PPP1R3C: variants seen among roughly 807,000 people sequenced by gnomAD.
The protein encoded by PPP1R3C is protein phosphatase 1 regulatory subunit 3C, also known as PP1 subunit R5.
PPP1R3C carries 20 observed loss-of-function variants against 29.3 expected under a neutral mutation model. That is an observed-to-expected ratio of 0.68 (90% CI 0.48 to 0.99). The LOEUF (loss-of-function observed/expected upper bound fraction) is 0.99, where lower values mean the gene tolerates loss of function less well. Among genes scored for constraint, PPP1R3C ranks in the 50% least tolerant of loss-of-function variants. The probability of loss-of-function intolerance (pLI) is 0.00; values close to 1 mark genes in which losing one functional copy is unlikely to be tolerated. For synonymous variants in PPP1R3C, 123 were observed against 143.1 expected (o/e 0.86, Z 1.00); for missense variants, 321 against 386.0 (o/e 0.83, Z 1.41).
chr10:91,633,068 G>C lies in PPP1R3C; in HGVS notation c.-99C>G. The C allele has an allele frequency of 6.7e-7, 1 of 1,502,926 alleles. No individual in the cohort carries two copies. The highest frequency in any genetic ancestry group is 1.9e-5 in the Admixed American group (1 of 51,504). 93.1% of individuals were successfully genotyped at this position (1,502,926 alleles called of 1,614,324 possible). On this transcript the variant is annotated 5_prime_UTR_variant, in exon 1 of 2. Transcript: ENST00000238994. ...TGCCCCCGCGGCGGTCGCTGGGAGA[G>C]ACTGAGGGCCCGGCGCCTAGAGGCC...
Position 91,630,964 on chromosome 10 carries a change from G to A in PPP1R3C, c.15-98C>T. 9.7e-7 allele frequency: 1 copy of A among 1,028,284 alleles called. No individual in the cohort carries two copies. Among genetic ancestry groups the A allele is most frequent in the African/African-American group, 1.6e-5 (1 of 63,650 alleles). 63.7% of individuals were successfully genotyped at this position (1,028,284 alleles called of 1,614,324 possible). ...CTATTTTTGTGCTGACTGAATTATAGCCAGTGCACTAGATATCAGGCAGGT... is the reference window on the plus strand; with the variant it reads ...CTATTTTTGTGCTGACTGAATTATAACCAGTGCACTAGATATCAGGCAGGT... On this transcript the variant is annotated intron_variant, in intron 1 of 1. Transcript: ENST00000238994. This position sits in a 1 kb window ranked among gnomAD's most constrained non-coding sequence, Gnocchi z 4.4.
At position 91,629,798 on chromosome 10, in the gene PPP1R3C, G is replaced by T; in HGVS notation, c.*129C>A. 3 of 975,190 alleles carry T rather than the reference G, an allele frequency of 3.1e-6. No homozygotes were observed. Among genetic ancestry groups the T allele is most frequent in the Non-Finnish European group, 4.7e-6 (3 of 634,970 alleles). 60.4% of individuals were successfully genotyped at this position (975,190 alleles called of 1,614,324 possible). A position where few individuals can be genotyped will look rare whatever the true frequency, so the allele number is the denominator to read the frequency against. On this transcript the variant is annotated 3_prime_UTR_variant, in exon 2 of 2. Transcript: ENST00000238994. The stretch of plus-strand genomic sequence containing the variant: ...TTCTCAAGTGTCTTTCTTTTCCATA[G>T]CCAGGTCTCAAAAGCTCAAATCTAA...
rs1420437833 is a variant in PPP1R3C, at chr10:91,629,803, G to T, written c.*124C>A. On this transcript the variant is annotated 3_prime_UTR_variant, in exon 2 of 2. Transcript: ENST00000238994. ...AAGTGTCTTTCTTTTCCATAGCCAG[G>T]TCTCAAAAGCTCAAATCTAAACCTA... is the stretch of plus-strand genomic sequence containing the variant. The T allele has an allele frequency of 2.9e-6, 3 of 1,022,536 alleles. No individual in the cohort carries two copies. In the East Asian group the frequency reaches 7.5e-5, roughly 26 times the overall value. The allele number at this position is 1,022,536 out of a possible 1,614,324, so 63.3% of individuals were successfully genotyped here. A position where few individuals can be genotyped will look rare whatever the true frequency, so the allele number is the denominator to read the frequency against.
In PPP1R3C at chr10:91,630,338, C is replaced by T. The variant is rs772675871; in HGVS notation, c.543G>A (p.Glu181=). 1.9e-6 allele frequency: 3 copies of T among 1,614,188 alleles called. No individual in the cohort carries two copies. In the South Asian group the frequency reaches 3.3e-5, roughly 18 times the overall value. Residue 181 remains glutamate (E), a synonymous_variant, in exon 2 of 2, where the codon GAG becomes GAA. Coordinates refer to ENST00000238994, the MANE Select transcript of PPP1R3C (RefSeq NM_005398.7). The surrounding 1 kb of genome is among the most constrained non-coding windows in gnomAD (Gnocchi z 4.4). ...GTVKVKNVSF[E]KKVQIRITFD... is the part of the protein sequence containing the mutation. ...AAGTGATACGGATCTGAACTTTCTTCTCAAAACTCACATTTTTGACTTTAA... is the reference window on the plus strand; with the variant it reads ...AAGTGATACGGATCTGAACTTTCTTTTCAAAACTCACATTTTTGACTTTAA...
intron 1 of PPP1R3C, among the ~76,000 whole-genome samples, chr10:91,631,395 A>C (rs1046141103): frequency 1.3e-5 from 2 of 152,148 alleles, no homozygotes; most frequent in Non-Finnish European, 2.9e-5. Flanking sequence ...GTATGTTCTT[A>C]AAGCTTCCCA....
In PPP1R3C at chr10:91,630,340, C is replaced by T; in HGVS notation, c.541G>A (p.Glu181Lys). The T allele has an allele frequency of 6.2e-7, 1 of 1,614,168 alleles. No individual in the cohort carries two copies. Among genetic ancestry groups the T allele is most frequent in the Non-Finnish European group, 8.5e-7 (1 of 1,180,040 alleles). ...GTGATACGGATCTGAACTTTCTTCTCAAAACTCACATTTTTGACTTTAACA... is the reference window on the plus strand; with the variant it reads ...GTGATACGGATCTGAACTTTCTTCTTAAAACTCACATTTTTGACTTTAACA... The part of the protein sequence containing the change: ...GTVKVKNVSF[E>K]KKVQIRITFD... Residue 181 changes from glutamate to lysine, a missense_variant, in exon 2 of 2, where the codon GAG becomes AAG. Coordinates refer to ENST00000238994, the MANE Select transcript of PPP1R3C (RefSeq NM_005398.7). This position sits in a 1 kb window ranked among gnomAD's most constrained non-coding sequence, Gnocchi z 4.4.
Position 91,630,029 on chromosome 10 carries a change from T to C in PPP1R3C, c.852A>G (p.Thr284=). 1 of 1,614,258 alleles carries C rather than the reference T, an allele frequency of 6.2e-7. No individual in the cohort carries two copies. Among genetic ancestry groups the C allele is most frequent in the Non-Finnish European group, 8.5e-7 (1 of 1,180,042 alleles). The part of the protein sequence containing the change: ...DCAFHQTSPK[T]ELESTIFGSP... ...TGCCAAAGATTGTTGACTCTAACTC[T>C]GTCTTAGGAGACGTCTGGTGGAATG... The change falls in exon 2 of 2, where the codon ACA becomes ACG. Residue 284 remains threonine (T), a synonymous_variant. Coordinates refer to ENST00000238994, the MANE Select transcript of PPP1R3C (RefSeq NM_005398.7). The surrounding 1 kb of genome is among the most constrained non-coding windows in gnomAD (Gnocchi z 4.4).
Position 91,629,615 on chromosome 10 carries a change from C to T in PPP1R3C, c.*312G>A. Reference sequence around the variant, plus strand: ...TTTCCATCACCATCAGCCATCCTTCCTCAACTTTTCCTTGCCCAACATGAA... The same window carrying T: ...TTTCCATCACCATCAGCCATCCTTCTTCAACTTTTCCTTGCCCAACATGAA... On this transcript the variant is annotated 3_prime_UTR_variant, in exon 2 of 2. Transcript: ENST00000238994. The T allele has an allele frequency of 2.4e-6, 1 of 413,492 alleles. No individual in the cohort carries two copies. The highest frequency in any genetic ancestry group is 4.5e-6 in the Non-Finnish European group (1 of 224,478). The allele number at this position is 413,492 out of a possible 1,614,324, so 25.6% of individuals were successfully genotyped here.
At chr10:91,632,301 A>C (rs1464377818) in intron 1 of PPP1R3C, among the ~76,000 whole-genome samples, 1 of 152,226 alleles carries the variant, frequency 6.6e-6, no homozygotes, top group African/African-American at 2.4e-5. Flanking sequence ...TGGGTCTAAT[A>C]ATAGTTAATA....
rs530352455 is a variant in PPP1R3C at position 91,633,049 on chromosome 10, C to G, written c.-80G>C. 3.3e-5 allele frequency: 51 copies of G among 1,560,994 alleles called. No individual in the cohort carries two copies. In the East Asian group the frequency reaches 9.0e-4, roughly 27 times the overall value. Reference sequence around the variant, plus strand: ...GAACCACAGCTCCAGGCCTTGCCCCCGCGGCGGTCGCTGGGAGAGACTGAG... The same window carrying G: ...GAACCACAGCTCCAGGCCTTGCCCCGGCGGCGGTCGCTGGGAGAGACTGAG... On this transcript the variant is annotated 5_prime_UTR_variant, in exon 1 of 2. Coordinates refer to ENST00000238994, the MANE Select transcript of PPP1R3C (RefSeq NM_005398.7).
chr10:91,631,154 C>T (rs1350189641), intron 1 of PPP1R3C, among the ~76,000 whole-genome samples: 1 of 152,188 alleles, frequency 6.6e-6, no homozygotes, highest in African/African-American at 2.4e-5. Context: ...TGATTATCTC[C>T]AAGGCAGCCT....
At position 91,630,543 on chromosome 10, in the gene PPP1R3C, T is replaced by G. The variant is rs1324487251; in HGVS notation, c.338A>C (p.Gln113Pro). 5.0e-6 allele frequency: 8 copies of G among 1,614,064 alleles called. No individual in the cohort carries two copies. The highest frequency in any genetic ancestry group is 2.2e-5 in the East Asian group (1 of 44,896). ...ATCATTAAGGTCCAAGAGATCAAAC[T>G]GCAGATCCCACGCTGGTTCTTCTGG... Reference protein sequence around the residue: ...DLPEEPAWDLQFDLLDLNDIS... With the variant: ...DLPEEPAWDLPFDLLDLNDIS... The change falls in exon 2 of 2, where the codon CAG becomes CCG. Residue 113 changes from glutamine to proline, a missense_variant. Physicochemically the swap from Gln to Pro is moderately conservative, Grantham distance 76. Coordinates refer to ENST00000238994, the MANE Select transcript of PPP1R3C (RefSeq NM_005398.7). This position sits in a 1 kb window ranked among gnomAD's most constrained non-coding sequence, Gnocchi z 4.4.
At position 91,628,985 on chromosome 10, in the gene PPP1R3C, C is replaced by T. The variant is rs886863418; in HGVS notation, c.*942G>A. On this transcript the variant is annotated 3_prime_UTR_variant, in exon 2 of 2. Transcript: ENST00000238994. The stretch of plus-strand genomic sequence containing the variant: ...TACAACATTATTGCAGGAGGAATGC[C>T]TGTGTACAGAGTGGACCATCTTATG... 1.3e-5 allele frequency: 2 copies of T among 152,230 alleles called. No homozygotes were observed. The highest frequency in any genetic ancestry group is 4.8e-5 in the African/African-American group (2 of 41,426). 9.4% of individuals were successfully genotyped at this position (152,230 alleles called of 1,614,324 possible).
rs143318107 is a variant in PPP1R3C at position 91,630,312 on chromosome 10, A to G, written c.569T>C (p.Phe190Ser). ...FEKKVQIRIT[F>S]DSWKNYTDVD... ...GTCAGTGTAGTTTTTCCAAGAATCG[A>G]AAGTGATACGGATCTGAACTTTCTT... Residue 190 changes from phenylalanine (F) to serine (S), a missense_variant, in exon 2 of 2, where the codon TTC becomes TCC. Transcript: ENST00000238994. The surrounding 1 kb of genome is among the most constrained non-coding windows in gnomAD (Gnocchi z 4.4). 911 of 1,614,230 alleles carry G rather than the reference A, an allele frequency of 5.6e-4. 6 individuals are homozygous for G. The African/African-American group carries it at 0.011, about 19-fold the overall frequency.
chr10:91,629,836 A>G lies in PPP1R3C; in HGVS notation c.*91T>C, dbSNP rs1030348541. The G allele has an allele frequency of 3.7e-6, 5 of 1,342,256 alleles. No homozygotes were observed. The highest frequency in any genetic ancestry group is 5.3e-6 in the Non-Finnish European group (5 of 947,250). The allele number at this position is 1,342,256 out of a possible 1,614,324, so 83.1% of individuals were successfully genotyped here. Reference sequence around the variant, plus strand: ...AGCTCAAATCTAAACCTACTGATGGAGTAGCAAAGGCTTCCTAAAATTGAG... The same window carrying G: ...AGCTCAAATCTAAACCTACTGATGGGGTAGCAAAGGCTTCCTAAAATTGAG... On this transcript the variant is annotated 3_prime_UTR_variant, in exon 2 of 2. Transcript: ENST00000238994.
intron 1 of PPP1R3C, among the ~76,000 whole-genome samples, chr10:91,631,233 C>A (rs2133484353): frequency 6.6e-6 from 1 of 152,308 alleles, no homozygotes; most frequent in Non-Finnish European, 1.5e-5. Context: ...CTAGGGAATT[C>A]ATTTTCTTTC....
rs1848700513 is a variant in PPP1R3C, at chr10:91,630,154, G to T, written c.727C>A (p.Gln243Lys). The T allele has an allele frequency of 6.2e-7, 1 of 1,614,202 alleles. No individual in the cohort carries two copies. The highest frequency in any genetic ancestry group is 2.2e-5 in the East Asian group (1 of 44,884). The change falls in exon 2 of 2, where the codon CAA becomes AAA. Residue 243 changes from glutamine to lysine, a missense_variant. Gln to Lys is a moderately conservative substitution (Grantham distance 53). Coordinates refer to ENST00000238994, the MANE Select transcript of PPP1R3C (RefSeq NM_005398.7). This position sits in a 1 kb window ranked among gnomAD's most constrained non-coding sequence, Gnocchi z 4.4. ...EFCISYHANG[Q>K]VFWDNNDGQN... ...CCATCATTGTTGTCCCAAAAGACTT[G>T]CCCATTAGCATGGTAAGAAATGCAG...
rs1313740207 is a variant in PPP1R3C, at chr10:91,633,028, C to T, written c.-59G>A. ...ACCCGCTGCCTGCACAAATTCGAAC[C>T]ACAGCTCCAGGCCTTGCCCCCGCGG... On this transcript the variant is annotated 5_prime_UTR_variant, in exon 1 of 2. Coordinates refer to ENST00000238994, the MANE Select transcript of PPP1R3C (RefSeq NM_005398.7). 1.9e-6 allele frequency: 3 copies of T among 1,595,112 alleles called. No homozygotes were observed.
chr10:91,630,252 C>A lies in PPP1R3C; in HGVS notation c.629G>T (p.Gly210Val), dbSNP rs142799521. The A allele has an allele frequency of 3.3e-4, 533 of 1,614,006 alleles. No homozygotes were observed. Among genetic ancestry groups the A allele is most frequent in the Middle Eastern group, 4.9e-4 (3 of 6,084 alleles). ...DCVYMKNVYG[G>V]TDSDTFSFAI... ...AAATGAGAAGGTATCACTATCTGTG[C>A]CACCATACACATTTTTCATATAGAC... The change falls in exon 2 of 2, where the codon GGC (glycine) becomes GTC (valine). Residue 210 changes from glycine to valine, a missense_variant. Gly to Val is a moderately radical substitution (Grantham distance 109, BLOSUM62 -3). Coordinates refer to ENST00000238994, the MANE Select transcript of PPP1R3C (RefSeq NM_005398.7). This position sits in a 1 kb window ranked among gnomAD's most constrained non-coding sequence, Gnocchi z 4.4.
Sources: allele counts gnomAD v4.1 joint callset (sites outside exome capture counted in the v4.1 genomes callset), GRCh38; gene constraint gnomAD v4.1.1; non-coding constraint Gnocchi (gnomAD v3.1); transcripts MANE v1.5; gene names NCBI Gene and HGNC (gene_info 2026-07-23, HGNC 2026-07-21).